PTPRD: variants seen among roughly 807,000 people sequenced by gnomAD.
PTPRD encodes receptor-type tyrosine-protein phosphatase delta.
PTPRD carries 34 observed loss-of-function variants against 214.5 expected under a neutral mutation model. The observed-to-expected ratio is 0.16, with a 90% confidence interval of 0.12 to 0.21. PTPRD has a LOEUF of 0.21. Ranked by LOEUF, PTPRD falls within the 10% of genes least tolerant of loss-of-function variation. The pLI is 1.00. For missense variants in PTPRD, 2,545 were observed against 2,398.7 expected, an observed-to-expected ratio of 1.06 and a Z score of -1.27; for synonymous variants, 1,128 against 845.7, an observed-to-expected ratio of 1.33 and a Z score of -5.79.
intron 10 of PTPRD, among the ~76,000 whole-genome samples, chr9:9,163,934 A>T (rs1269210713): frequency 6.6e-6 from 1 of 152,128 alleles, no homozygotes; most frequent in Non-Finnish European, 1.5e-5. Context: ...TTCAAGTCTT[A>T]TGTTACATAT....
chr9:9,271,445 T>C (rs1942890674), intron 9 of PTPRD, among the ~76,000 whole-genome samples: 1 of 151,364 alleles, frequency 6.6e-6, no homozygotes, highest in African/African-American at 2.4e-5. Flanking sequence ...ATGTTGCATC[T>C]GAATAGAAGA....
chr9:9,894,032 T>C (rs1466459453), intron 5 of PTPRD, among the ~76,000 whole-genome samples: 1 of 152,082 alleles, frequency 6.6e-6, no homozygotes, highest in African/African-American at 2.4e-5. Context: ...CAGGCTGATA[T>C]CAAACTTCTG....
At chr9:10,267,094 G>A (rs1309824263) in intron 3 of PTPRD, among the ~76,000 whole-genome samples, 1 of 151,536 alleles carries the variant, frequency 6.6e-6, no homozygotes, top group Non-Finnish European at 1.5e-5. Flanking sequence ...GGGAGGCTGA[G>A]GCAGGAGAGT....
chr9:9,516,787 C>T (rs1419355891), intron 8 of PTPRD, among the ~76,000 whole-genome samples: 1 of 152,068 alleles, frequency 6.6e-6, no homozygotes, highest in South Asian at 2.1e-4. Flanking sequence ...CTGCCCTCCT[C>T]AGCCTCCCAA....
chr9:9,400,819 C>A (rs915252659), intron 8 of PTPRD, among the ~76,000 whole-genome samples: 4 of 152,074 alleles, frequency 2.6e-5, no homozygotes, highest in Non-Finnish European at 4.4e-5. Flanking sequence ...GAAAGTTTCT[C>A]TTAAAAGAAG....
intron 39 of PTPRD, among the ~76,000 whole-genome samples, chr9:8,368,691 T>TTG (rs2080649799): frequency 6.7e-6 from 1 of 149,300 alleles, no homozygotes; most frequent in African/African-American, 2.4e-5. Flanking sequence ...TTTTTTTTTT[T>TTG]TTTGGTTCCA....
intron 3 of PTPRD, among the ~76,000 whole-genome samples, chr9:10,197,041 C>A (rs1171492623): frequency 6.6e-6 from 1 of 152,038 alleles, no homozygotes; most frequent in Non-Finnish European, 1.5e-5. Context: ...AATTTCTGTT[C>A]TTTATAAGCC....
intron 2 of PTPRD, among the ~76,000 whole-genome samples, chr9:10,550,118 A>T (rs2060981709): frequency 6.6e-6 from 1 of 152,172 alleles, no homozygotes; most frequent in African/African-American, 2.4e-5. Context: ...TCTGATTACA[A>T]ATGCAAATGC....
intron 11 of PTPRD, among the ~76,000 whole-genome samples, chr9:9,017,041 G>A (rs1473926678): frequency 6.6e-6 from 1 of 151,954 alleles, no homozygotes; most frequent in Non-Finnish European, 1.5e-5. Flanking sequence ...GTAGTGATGT[G>A]TATTATAGAT....
intron 2 of PTPRD, among the ~76,000 whole-genome samples, chr9:10,554,308 G>C (rs1168238874): frequency 6.6e-6 from 1 of 152,058 alleles, no homozygotes; most frequent in East Asian, 1.9e-4. Flanking sequence ...TGGACCTTTA[G>C]CTTGTTCACC....
intron 8 of PTPRD, among the ~76,000 whole-genome samples, chr9:9,546,664 C>T (rs2078878238): frequency 6.6e-6 from 1 of 151,686 alleles, no homozygotes; most frequent in South Asian, 2.1e-4. Context: ...TCCTCTTATA[C>T]CAGTAGATTC....
chr9:9,824,518 G>A (rs912628120), intron 5 of PTPRD, among the ~76,000 whole-genome samples: 1 of 151,756 alleles, frequency 6.6e-6, no homozygotes, highest in African/African-American at 2.4e-5. Context: ...AAGTTTTACT[G>A]TTATGAATTA....
In PTPRD at chr9:10,429,282, G is replaced by C. The variant is rs548614350; in HGVS notation, c.-599-88265C>G. On this transcript the variant is annotated intron_variant, in intron 2 of 45. Transcript: ENST00000381196. ...TATGGAAAAAAAGTATGAAGAGTTC[G>C]CAAAGAAGTAAAAATAGAACTACCA... is the stretch of plus-strand genomic sequence containing the variant. Among the ~76,000 whole-genome samples the C allele has an allele frequency of 1.2e-3, 175 of 151,872 alleles. 1 individual carries two copies. Among genetic ancestry groups the C allele is most frequent in the Admixed American group, 7.8e-3 (119 of 15,210 alleles).
chr9:10,361,913 T>C (rs2097400299), intron 2 of PTPRD, among the ~76,000 whole-genome samples: 1 of 152,180 alleles, frequency 6.6e-6, no homozygotes, highest in South Asian at 2.1e-4. Flanking sequence ...TGGGCACACA[T>C]ATTTCTTCTA....
intron 2 of PTPRD, among the ~76,000 whole-genome samples, chr9:10,480,827 C>A (rs960787781): frequency 2.0e-5 from 3 of 151,820 alleles, no homozygotes; most frequent in Non-Finnish European, 2.9e-5. Context: ...GAAAAAAAAA[C>A]TTATTCAATA....
intron 7 of PTPRD, among the ~76,000 whole-genome samples, chr9:9,593,930 T>C (rs2154330583): frequency 6.6e-6 from 1 of 152,122 alleles, no homozygotes; most frequent in East Asian, 1.9e-4. Context: ...TTTCAGAAGA[T>C]CTCAGATATC....
chr9:9,463,937 C>A (rs977870051), intron 8 of PTPRD, among the ~76,000 whole-genome samples: 7 of 152,122 alleles, frequency 4.6e-5, no homozygotes, highest in African/African-American at 1.7e-4. Flanking sequence ...AGTGAGACAC[C>A]AGACCCCTCA....
At chr9:10,339,399 T>C (rs1404827127) in intron 3 of PTPRD, among the ~76,000 whole-genome samples, 1 of 151,746 alleles carries the variant, frequency 6.6e-6, no homozygotes, top group Non-Finnish European at 1.5e-5. Context: ...TCCCTTACTT[T>C]TCCTTCCCTT....
At position 8,959,092 on chromosome 9, in the gene PTPRD, C is replaced by A. The variant is rs139147404; in HGVS notation, c.-104+59605G>T. ...CAAGACATACTTGCTTTCATATTAT[C>A]TTATTGTGACAATGGCTATTGACAC... On this transcript the variant is annotated intron_variant, in intron 11 of 45. Transcript: ENST00000381196. 1.7e-3 allele frequency among the ~76,000 whole-genome samples: 252 copies of A among 152,168 alleles called. 1 individual carries two copies. The highest frequency in any genetic ancestry group is 5.5e-3 in the African/African-American group (227 of 41,546).
Sources: gnomAD v4.1 joint callset for allele counts (sites outside exome capture counted in the v4.1 genomes callset) on GRCh38, gnomAD v4.1.1 for gene constraint, MANE v1.5 for transcripts, NCBI Gene and HGNC (gene_info 2026-07-23, HGNC 2026-07-21) for gene names.